NF1: variants seen among roughly 807,000 people sequenced by gnomAD.
NF1 encodes the protein neurofibromin 1, also known as neurofibromin.
In NF1, 122 loss-of-function variants were observed where a neutral mutation model predicts 325.7. The observed-to-expected ratio is 0.37, with a 90% CI of 0.32 to 0.44. The LOEUF is 0.44. Among genes scored for constraint, NF1 ranks in the 20% least tolerant of loss-of-function variants. The probability of loss-of-function intolerance (pLI) is 1.00; values close to 1 mark genes in which losing one functional copy is unlikely to be tolerated. For missense variants in NF1, 2,140 were observed against 3,415.4 expected, an observed-to-expected ratio of 0.63 and a Z score of 9.31; for synonymous variants, 1,091 against 1,186.0, an observed-to-expected ratio of 0.92 and a Z score of 1.65.
In NF1 at chr17:31,201,533, C is replaced by G. The variant is rs779066818; in HGVS notation, c.1260+48C>G. 3.3e-5 allele frequency: 45 copies of G among 1,346,828 alleles called. 2 individuals are homozygous for G. Among genetic ancestry groups the G allele is most frequent in the South Asian group, 1.8e-4 (15 of 82,388 alleles). 83.4% of individuals were successfully genotyped at this position (1,346,828 alleles called of 1,614,324 possible). A position where few individuals can be genotyped will look rare whatever the true frequency, so the allele number is the denominator to read the frequency against. On this transcript the variant is annotated intron_variant, in intron 11 of 57. Transcript: ENST00000358273. ...AATTACTAAAAAAATTTTTTTCTTTCTTTTCTTTGCGTATTTCTTTTTAAG... is the reference window on the plus strand; with the variant it reads ...AATTACTAAAAAAATTTTTTTCTTTGTTTTCTTTGCGTATTTCTTTTTAAG...
rs57254992 is a variant in NF1 at position 31,215,899 on chromosome 17, T to A, written c.1527+1314T>A. Among the ~76,000 whole-genome samples the A allele has an allele frequency of 0.016, 2,486 of 152,298 alleles. 85 individuals carry two copies. The highest frequency in any genetic ancestry group is 0.056 in the African/African-American group (2,346 of 41,552). The stretch of plus-strand genomic sequence containing the variant: ...GTTCTATGAAACTTCGTGAATTTTT[T>A]AAAAATGTGTATTTATGAGTAATTT... On this transcript the variant is annotated intron_variant, in intron 13 of 57. Transcript: ENST00000358273.
intron 36 of NF1, among the ~76,000 whole-genome samples, chr17:31,285,961 A>G (rs935265824): frequency 6.6e-6 from 1 of 152,214 alleles, no homozygotes; most frequent in Non-Finnish European, 1.5e-5. Context: ...ATAATACAGA[A>G]AATGAGGTGT....
chr17:31,306,635 G>T (rs1234650445), intron 36 of NF1, among the ~76,000 whole-genome samples: 4 of 151,978 alleles, frequency 2.6e-5, no homozygotes, highest in Non-Finnish European at 5.9e-5. Flanking sequence ...TATTTTTAAA[G>T]AATTTCATTC....
intron 24 of NF1, among the ~76,000 whole-genome samples, chr17:31,231,547 T>A (rs1208114644): frequency 6.6e-6 from 1 of 152,200 alleles, no homozygotes; most frequent in Non-Finnish European, 1.5e-5. Flanking sequence ...AGTCCCTGAC[T>A]TAAGATGTCA....
At chr17:31,145,170 C>A (rs151238773) in intron 1 of NF1, among the ~76,000 whole-genome samples, 1 of 152,258 alleles carries the variant, frequency 6.6e-6, no homozygotes, top group Non-Finnish European at 1.5e-5. Context: ...TTCTTTAGAT[C>A]TTTGCATGGG....
intron 35 of NF1, among the ~76,000 whole-genome samples, chr17:31,264,748 G>C (rs1373474016): frequency 6.6e-6 from 1 of 152,160 alleles, no homozygotes; most frequent in Non-Finnish European, 1.5e-5. Flanking sequence ...ATATGCTAAA[G>C]CTGGTATTCA....
chr17:31,169,501 A>G (rs1450394615), intron 4 of NF1, among the ~76,000 whole-genome samples: 1 of 152,012 alleles, frequency 6.6e-6, no homozygotes, highest in Non-Finnish European at 1.5e-5. Context: ...TCTTTGGGGG[A>G]AGAATCTGTT....
At chr17:31,214,044 G>A (rs1372860370) in intron 12 of NF1, among the ~76,000 whole-genome samples, 2 of 152,036 alleles carry the variant, frequency 1.3e-5, no homozygotes, top group Non-Finnish European at 2.9e-5. Flanking sequence ...TGAAATACTT[G>A]TATGTATGTC....
At chr17:31,349,070 A>C (rs2151572273) in intron 48 of NF1, 50 bp from the exon 49 acceptor site, 1 of 1,545,480 alleles carries the variant, frequency 6.5e-7, no homozygotes, top group Non-Finnish European at 8.7e-7. Flanking sequence ...ATGCTTGTTC[A>C]AAAAATTAAT....
At position 31,117,850 on chromosome 17, in the gene NF1, A is replaced by G. The variant is rs182350496; in HGVS notation, c.60+22481A>G. Among the ~76,000 whole-genome samples, 44 of 152,232 alleles carry G rather than the reference A, an allele frequency of 2.9e-4. No individual in the cohort carries two copies. In the East Asian group the frequency reaches 6.6e-3, roughly 23 times the overall value. ...AGAATGTCCCTTGTTTACCATTCCTATTCCCTTCTAACCAAATCATGATAT... is the reference window on the plus strand; with the variant it reads ...AGAATGTCCCTTGTTTACCATTCCTGTTCCCTTCTAACCAAATCATGATAT... On this transcript the variant is annotated intron_variant, in intron 1 of 57. Transcript: ENST00000358273.
At chr17:31,166,174 AG>A (rs2065841460) in intron 4 of NF1, among the ~76,000 whole-genome samples, 1 of 152,242 alleles carries the variant, frequency 6.6e-6, no homozygotes, top group Non-Finnish European at 1.5e-5. Flanking sequence ...CACCAGAAGC[AG>A]AAAACTCAAT....
rs529663436 is a variant in NF1, at chr17:31,322,554, A to C, written c.4836-3266A>C. Among the ~76,000 whole-genome samples, 59 of 141,682 alleles carry C rather than the reference A, an allele frequency of 4.2e-4. 1 individual carries two copies. The South Asian group carries it at 0.013, about 32-fold the overall frequency. The allele number at this position is 141,682 out of a possible 152,430, so 92.9% of individuals were successfully genotyped here. On this transcript the variant is annotated intron_variant, in intron 36 of 57. Coordinates refer to ENST00000358273, the MANE Select transcript of NF1 (RefSeq NM_001042492.3). ...AAAAAAAAGAACTGGATATGGCAGCACATATCTGTAATCCCAGCTACTAGG... is the reference window on the plus strand; with the variant it reads ...AAAAAAAAGAACTGGATATGGCAGCCCATATCTGTAATCCCAGCTACTAGG...
chr17:31,295,219 T>C, intron 36 of NF1: 1 of 1,614,118 alleles, frequency 6.2e-7, no homozygotes, highest in Non-Finnish European at 8.5e-7. Context: ...GGGATGATTT[T>C]GTTGAGCTAG....
rs1338014393 is a variant in NF1 at position 31,218,071 on chromosome 17, G to A, written c.1528-934G>A. Reference sequence around the variant, plus strand: ...TCTGCCGATGCAAATTCTAGCCTTTGCTTTGTTACCAGCTGTGTGGATTTG... The same window carrying A: ...TCTGCCGATGCAAATTCTAGCCTTTACTTTGTTACCAGCTGTGTGGATTTG... On this transcript the variant is annotated intron_variant, in intron 13 of 57. Coordinates refer to ENST00000358273, the MANE Select transcript of NF1 (RefSeq NM_001042492.3). Among the ~76,000 whole-genome samples the A allele has an allele frequency of 2.6e-5, 4 of 152,132 alleles. No homozygotes were observed. The South Asian group carries it at 6.2e-4, about 24-fold the overall frequency.
Position 31,159,044 on chromosome 17 carries a change from A to C in NF1, c.239A>C (p.Tyr80Ser), listed in dbSNP as rs4795581. Reference sequence around the variant, plus strand: ...GGAGAAGCTGCTGAAAAAAATTTATATCTCTCTCAGTTGATTATATTGGAT... The same window carrying C: ...GGAGAAGCTGCTGAAAAAAATTTATCTCTCTCTCAGTTGATTATATTGGAT... ...IFGEAAEKNL[Y>S]LSQLIILDTL... Residue 80 changes from tyrosine to serine, a missense_variant, in exon 3 of 58, where the codon TAT becomes TCT. Physicochemically the swap from Tyr to Ser is moderately radical, Grantham distance 144. Around this residue, in one of 10 missense-constraint regions of NF1, gnomAD observed 246 missense variants for 347.8 expected, o/e 0.71. Coordinates refer to ENST00000358273, the MANE Select transcript of NF1 (RefSeq NM_001042492.3). The C allele has an allele frequency of 6.2e-6, 10 of 1,609,122 alleles. No homozygotes were observed. The highest frequency in any genetic ancestry group is 8.5e-6 in the Non-Finnish European group (10 of 1,175,702).
chr17:31,334,739 C>A, intron 39 of NF1, 99 bp from the exon 40 acceptor site: 1 of 960,618 alleles, frequency 1.0e-6, no homozygotes, highest in Non-Finnish European at 1.7e-6. Context: ...AGGTAATAGT[C>A]TTTACCTTTT....
chr17:31,306,848 T>G (rs955766133), intron 36 of NF1, among the ~76,000 whole-genome samples: 1 of 150,414 alleles, frequency 6.6e-6, no homozygotes. Flanking sequence ...CAGATTCTAG[T>G]GATAGAAGCA....
At position 31,359,520 on chromosome 17, in the gene NF1, C is replaced by A. The variant is rs17880952; in HGVS notation, c.8160+505C>A. ...CTGTCTCCAGGCTGGAGTGCAGTGGCGCAATCTTGGCTCACTGCAACCTCT... is the reference window on the plus strand; with the variant it reads ...CTGTCTCCAGGCTGGAGTGCAGTGGAGCAATCTTGGCTCACTGCAACCTCT... On this transcript the variant is annotated intron_variant, in intron 56 of 57. Transcript: ENST00000358273. The A allele has an allele frequency of 6.3e-3, 1,079 of 170,144 alleles. 12 individuals are homozygous for A. The highest frequency in any genetic ancestry group is 0.022 in the African/African-American group (933 of 41,686). The allele number at this position is 170,144 out of a possible 1,614,324, so 10.5% of individuals were successfully genotyped here. A position where few individuals can be genotyped will look rare whatever the true frequency, so the allele number is the denominator to read the frequency against.
chr17:31,213,168 A>C (rs1008672049), intron 12 of NF1, among the ~76,000 whole-genome samples: 2 of 152,206 alleles, frequency 1.3e-5, no homozygotes, highest in African/African-American at 4.8e-5. Context: ...ACTTAGAGTG[A>C]GGAAAAAAAT....
Sources: allele counts gnomAD v4.1 joint callset (sites outside exome capture counted in the v4.1 genomes callset), GRCh38; gene constraint gnomAD v4.1.1; regional missense constraint gnomAD v4.1.1; transcripts MANE v1.5; gene names NCBI Gene and HGNC (gene_info 2026-07-23, HGNC 2026-07-21).